Variants in VPS45 observed in about 807,000 individuals in gnomAD.
VPS45 encodes the protein vacuolar protein sorting-associated protein 45.
Under a neutral mutation model 75.9 loss-of-function variants are expected in VPS45, and 35 were observed. The ratio of observed to expected loss-of-function variants is 0.46; its 90% CI spans 0.35 to 0.61. The LOEUF (loss-of-function observed/expected upper bound fraction) is 0.61, where lower values mean the gene tolerates loss of function less well. VPS45 is among the 20% of genes least tolerant of loss of function. The probability of loss-of-function intolerance (pLI) is 0.00; values close to 1 mark genes in which losing one functional copy is unlikely to be tolerated. For missense variants in VPS45, 559 were observed against 685.9 expected, an observed-to-expected ratio of 0.81 and a Z score of 2.07; for synonymous variants, 220 against 238.2, an observed-to-expected ratio of 0.92 and a Z score of 0.70.
intron 14 of VPS45, among the ~76,000 whole-genome samples, chr1:150,128,085 G>A (rs1334653865): frequency 1.3e-5 from 2 of 152,080 alleles, no homozygotes; most frequent in African/African-American, 4.8e-5. Context: ...CAGATTGCTT[G>A]AGTTCAGGAG....
intron 12 of VPS45, 155 bp downstream of exon 12, chr1:150,092,564 C>A: frequency 1.8e-6 from 1 of 562,330 alleles, no homozygotes; most frequent in Non-Finnish European, 2.9e-6. Flanking sequence ...CTCTTGAAAG[C>A]TTTTTCTTTT....
chr1:150,128,976 C>T (rs376388031), intron 14 of VPS45, among the ~76,000 whole-genome samples: 3 of 112,344 alleles, frequency 2.7e-5, no homozygotes, highest in Non-Finnish European at 5.3e-5. Flanking sequence ...CTCCTGATCT[C>T]GTGATCTGAG....
chr1:150,143,806 C>A (rs1659534821), intron 14 of VPS45, among the ~76,000 whole-genome samples: 1 of 152,134 alleles, frequency 6.6e-6, no homozygotes, highest in Non-Finnish European at 1.5e-5. Context: ...GGATCTGAAT[C>A]CCAGCTGAGC....
chr1:150,085,274 C>G (rs782321582), intron 10 of VPS45, among the ~76,000 whole-genome samples: 2 of 152,042 alleles, frequency 1.3e-5, no homozygotes, highest in Non-Finnish European at 2.9e-5. Flanking sequence ...CCCTTGAAAA[C>G]AGTAGAACCA....
chr1:150,077,187 C>T lies in VPS45; in HGVS notation c.532C>T (p.Gln178Ter), dbSNP rs1655440705. ...GAAGAAGTGTCCCATGATTCGTTATCAGCTCTCATCAGAGGCAGCAAAGAG... is the reference window on the plus strand; with the variant it reads ...GAAGAAGTGTCCCATGATTCGTTATTAGCTCTCATCAGAGGCAGCAAAGAG... ...SLKKCPMIRY[Q>*]LSSEAAKRLA... Residue 178 changes from glutamine (Q) to a stop codon, truncating the protein, a stop_gained, in exon 6 of 15, where the codon CAG (glutamine) becomes TAG (stop). Transcript: ENST00000644510. LOFTEE classifies it high-confidence loss of function. The T allele has an allele frequency of 1.2e-6, 2 of 1,613,970 alleles. No individual in the cohort carries two copies. Among genetic ancestry groups the T allele is most frequent in the Non-Finnish European group, 8.5e-7 (1 of 1,180,010 alleles).
At chr1:150,091,870 T>C in intron 10 of VPS45, 67 bp from the exon 11 acceptor site, 2 of 1,441,910 alleles carry the variant, frequency 1.4e-6, no homozygotes, top group South Asian at 1.3e-5. Flanking sequence ...AATTATTAGA[T>C]CTAAGGCATT....
At chr1:150,136,986 C>T (rs181995564) in intron 14 of VPS45, among the ~76,000 whole-genome samples, 124 of 152,282 alleles carry the variant, frequency 8.1e-4, no homozygotes, top group Non-Finnish European at 1.4e-3. Flanking sequence ...GCAGCCTCCA[C>T]CTCCCAGGTT....
chr1:150,111,843 C>G (rs1268343584), intron 14 of VPS45, among the ~76,000 whole-genome samples: 1 of 151,970 alleles, frequency 6.6e-6, no homozygotes, highest in Admixed American at 6.6e-5. Flanking sequence ...TTTTTTTAAG[C>G]CTGTATAGAC....
At chr1:150,080,968 G>A (rs1655670470) in intron 7 of VPS45, among the ~76,000 whole-genome samples, 1 of 152,120 alleles carries the variant, frequency 6.6e-6, no homozygotes, top group African/African-American at 2.4e-5. Context: ...AAGCATACAG[G>A]AAATGGTACA....
intron 14 of VPS45, among the ~76,000 whole-genome samples, chr1:150,126,377 AT>A (rs1166019012): frequency 6.6e-6 from 1 of 150,658 alleles, no homozygotes; most frequent in Non-Finnish European, 1.5e-5. Context: ...TGCCTGGCTA[AT>A]TTTTTTTTGT....
chr1:150,105,720 A>T (rs1409015104), intron 13 of VPS45, among the ~76,000 whole-genome samples: 1 of 152,202 alleles, frequency 6.6e-6, no homozygotes, highest in Non-Finnish European at 1.5e-5. Context: ...AATTCCTATC[A>T]ATTTACCAAC....
Position 150,082,749 on chromosome 1 carries a change from A to G in VPS45, c.970A>G (p.Met324Val). 1 of 1,613,764 alleles carries G rather than the reference A, an allele frequency of 6.2e-7. No individual in the cohort carries two copies. Among genetic ancestry groups the G allele is most frequent in the South Asian group, 1.1e-5 (1 of 91,004 alleles). Residue 324 changes from methionine to valine, a missense_variant, in exon 10 of 15, where the codon ATG becomes GTG. Physicochemically the swap from Met to Val is conservative, Grantham distance 21. Coordinates refer to ENST00000644510, the MANE Select transcript of VPS45 (RefSeq NM_007259.5). ...FVENYPQFKK[M>V]SGTVSKHVTV... ...TGAGAATTATCCACAGTTCAAGAAA[A>G]TGTCTGGGACTGTTTCAAAGCATGT...
At chr1:150,072,268 C>T (rs782144595) in intron 3 of VPS45, 42 bp downstream of exon 3, 14 of 1,432,526 alleles carry the variant, frequency 9.8e-6, no homozygotes, top group Non-Finnish European at 9.7e-6. Context: ...TAACAACATC[C>T]CAGTTAGTGT....
intron 13 of VPS45, among the ~76,000 whole-genome samples, chr1:150,095,177 A>G (rs1656551093): frequency 1.3e-5 from 2 of 152,216 alleles, no homozygotes; most frequent in Non-Finnish European, 2.9e-5. Context: ...AAGTAAACAA[A>G]TGAAGAATAT....
At chr1:150,082,375 G>A (rs1356312035) in intron 9 of VPS45, among the ~76,000 whole-genome samples, 1 of 152,008 alleles carries the variant, frequency 6.6e-6, no homozygotes, top group South Asian at 2.1e-4. Context: ...GTGTGGTGGC[G>A]CATGCCTGTA....
At chr1:150,121,823 G>A (rs782752838) in intron 14 of VPS45, among the ~76,000 whole-genome samples, 1 of 152,100 alleles carries the variant, frequency 6.6e-6, no homozygotes, top group Non-Finnish European at 1.5e-5. Context: ...CCTAACCCTT[G>A]TGAAGCTTCA....
chr1:150,089,039 G>C (rs1245416405), intron 10 of VPS45, among the ~76,000 whole-genome samples: 1 of 152,064 alleles, frequency 6.6e-6, no homozygotes, highest in African/African-American at 2.4e-5. Flanking sequence ...TGTGTGTAAG[G>C]GTTCTTATTT....
intron 14 of VPS45, among the ~76,000 whole-genome samples, chr1:150,141,769 A>T (rs1659402927): frequency 2.0e-5 from 3 of 152,198 alleles, no homozygotes. Context: ...TGTCTCTGAG[A>T]GTCCCTTAAG....
At chr1:150,097,240 C>T (rs1411024391) in intron 13 of VPS45, among the ~76,000 whole-genome samples, 2 of 151,476 alleles carry the variant, frequency 1.3e-5, no homozygotes, top group East Asian at 3.9e-4. Context: ...TGCATGCCAC[C>T]ATGCCTGGCT....
Sources: allele counts gnomAD v4.1 joint callset (sites outside exome capture counted in the v4.1 genomes callset), GRCh38; gene constraint gnomAD v4.1.1; transcripts MANE v1.5; gene names NCBI Gene and HGNC (gene_info 2026-07-23, HGNC 2026-07-21).